Variants in ACTR3C observed in about 807,000 individuals in gnomAD.
ACTR3C encodes actin-related protein 3C.
Under a neutral mutation model 26.3 loss-of-function variants are expected in ACTR3C, and 18 were observed. That is an observed-to-expected ratio of 0.68 (90% CI 0.47 to 1.01). The LOEUF is 1.01. ACTR3C is among the 50% of genes least tolerant of loss of function. ACTR3C has a pLI of 0.00. For missense variants in ACTR3C, 184 were observed against 250.7 expected, an observed-to-expected ratio of 0.73 and a Z score of 1.80; for synonymous variants, 55 against 94.5, an observed-to-expected ratio of 0.58 and a Z score of 2.42.
At chr7:150,228,225 G>T in the ACTR3C span, among the ~76,000 whole-genome samples, 14 of 152,074 alleles carry the variant, frequency 9.2e-5, no homozygotes, top group Non-Finnish European at 1.8e-4. Flanking sequence ...GTTCACATTT[G>T]TCCATATGTA....
the ACTR3C span, among the ~76,000 whole-genome samples, chr7:150,010,838 G>C: frequency 6.1e-5 from 9 of 147,790 alleles, no homozygotes; most frequent in African/African-American, 2.3e-4. Context: ...GAATGAGAAA[G>C]GGGTTGTGTC....
chr7:150,143,363 C>T, the ACTR3C span, among the ~76,000 whole-genome samples: 2 of 152,024 alleles, frequency 1.3e-5, no homozygotes, highest in Non-Finnish European at 2.9e-5. Context: ...AAGCATCTTC[C>T]GAAAATCCCC....
At chr7:150,063,285 C>A in the ACTR3C span, among the ~76,000 whole-genome samples, 1 of 150,874 alleles carries the variant, frequency 6.6e-6, no homozygotes, top group African/African-American at 2.5e-5. Context: ...ACAGTGAACC[C>A]CTGAAAAATA....
the ACTR3C span, among the ~76,000 whole-genome samples, chr7:149,966,350 G>A: frequency 7.9e-5 from 12 of 152,288 alleles, no homozygotes; most frequent in Middle Eastern, 3.4e-3. Context: ...ACAATGATGT[G>A]CAAAGTCCCC....
the ACTR3C span, among the ~76,000 whole-genome samples, chr7:150,192,762 G>A: frequency 6.6e-6 from 1 of 152,184 alleles, no homozygotes; most frequent in Non-Finnish European, 1.5e-5. Flanking sequence ...ATGGTCTTAT[G>A]ATTCATGGTG....
chr7:150,205,651 C>G, the ACTR3C span, among the ~76,000 whole-genome samples: 1 of 152,194 alleles, frequency 6.6e-6, no homozygotes, highest in East Asian at 1.9e-4. Flanking sequence ...CTGCCAGCAA[C>G]ATCATCTTTT....
chr7:150,206,925 C>T, the ACTR3C span, among the ~76,000 whole-genome samples: 312 of 152,228 alleles, frequency 2.0e-3, 1 homozygote, highest in African/African-American at 6.9e-3. Flanking sequence ...TTTATGATTT[C>T]TCAGGCTTTT....
At chr7:149,954,110 G>T in the ACTR3C span, among the ~76,000 whole-genome samples, 61 of 148,228 alleles carry the variant, frequency 4.1e-4, no homozygotes, top group Admixed American at 7.5e-4. Flanking sequence ...TTTGGTAAAA[G>T]TGAGTAGAAA....
chr7:150,109,749 A>C, the ACTR3C span, among the ~76,000 whole-genome samples: 1 of 150,320 alleles, frequency 6.7e-6, no homozygotes, highest in Non-Finnish European at 1.5e-5. Context: ...AACAACCTTG[A>C]CCGTTTAATA....
the ACTR3C span, among the ~76,000 whole-genome samples, chr7:150,164,913 C>T: frequency 1.4e-4 from 22 of 152,170 alleles, no homozygotes; most frequent in African/African-American, 3.6e-4. Flanking sequence ...CACAGGTGAG[C>T]GCTGGTTTTG....
At chr7:150,083,340 A>C in the ACTR3C span, among the ~76,000 whole-genome samples, 4 of 151,844 alleles carry the variant, frequency 2.6e-5, no homozygotes, top group Non-Finnish European at 4.4e-5. Context: ...TCGAGGAGGG[A>C]CAATCACTTA....
At chr7:150,086,583 G>A in the ACTR3C span, among the ~76,000 whole-genome samples, 3 of 152,098 alleles carry the variant, frequency 2.0e-5, no homozygotes, top group Non-Finnish European at 4.4e-5. Flanking sequence ...ATTGGAATTA[G>A]GTATTAGGTA....
intron 6 of ACTR3C, among the ~76,000 whole-genome samples, chr7:150,284,348 C>T (rs1020406336): frequency 5.3e-5 from 8 of 152,152 alleles, no homozygotes; most frequent in African/African-American, 1.9e-4. Flanking sequence ...CGAGACCAGC[C>T]TGGGCAACAT....
At chr7:150,285,246 AAG>A (rs1835678381) in intron 5 of ACTR3C, among the ~76,000 whole-genome samples, 1 of 152,258 alleles carries the variant, frequency 6.6e-6, no homozygotes, top group Non-Finnish European at 1.5e-5. Flanking sequence ...TATAAGGAAA[AAG>A]AAACAGGTTC....
the ACTR3C span, among the ~76,000 whole-genome samples, chr7:149,902,513 T>C: frequency 2.7e-5 from 4 of 146,332 alleles, no homozygotes; most frequent in African/African-American, 1.0e-4. Context: ...CCCAGTGCTC[T>C]GGGAGGCTGA....
chr7:150,001,215 G>T, the ACTR3C span: 15 of 152,264 alleles, frequency 9.9e-5, no homozygotes, highest in African/African-American at 3.4e-4. Context: ...AGGCCCAGCT[G>T]CTAAAGCTTC....
chr7:150,242,973 G>A (rs145704358), downstream of ACTR3C, among the ~76,000 whole-genome samples: 3,587 of 152,260 alleles, frequency 0.024, 84 homozygotes, highest in East Asian at 0.081. Flanking sequence ...TCTGGGTCCT[G>A]TGCAACTTGA....
At chr7:150,084,231 C>T in the ACTR3C span, among the ~76,000 whole-genome samples, 7 of 108,996 alleles carry the variant, frequency 6.4e-5, no homozygotes, top group Non-Finnish European at 1.2e-4. Context: ...AGTTACTTGG[C>T]TTCTCTGAAA....
At chr7:149,920,825 G>A in the ACTR3C span, among the ~76,000 whole-genome samples, 1 of 152,006 alleles carries the variant, frequency 6.6e-6, no homozygotes, top group African/African-American at 2.4e-5. Flanking sequence ...GAAGTGCAAT[G>A]TCATGATCTT....
Sources: gnomAD v4.1 joint callset for allele counts (sites outside exome capture counted in the v4.1 genomes callset) on GRCh38, gnomAD v4.1.1 for gene constraint, MANE v1.5 for transcripts, NCBI Gene and HGNC (gene_info 2026-07-23, HGNC 2026-07-21) for gene names.